GDPD5: variants seen among roughly 807,000 people sequenced by gnomAD.
The protein encoded by GDPD5 is glycerophosphodiester phosphodiesterase 2.
GDPD5 carries 48 observed loss-of-function variants against 75.1 expected under a neutral mutation model. The observed-to-expected ratio is 0.64, with a 90% confidence interval of 0.51 to 0.81. The LOEUF (loss-of-function observed/expected upper bound fraction) is 0.81. GDPD5 is among the 40% of genes least tolerant of loss of function. The probability of loss-of-function intolerance (pLI) is 0.00; values close to 1 mark genes in which losing one functional copy is unlikely to be tolerated. For synonymous variants in GDPD5, 336 were observed against 339.0 expected, an observed-to-expected ratio of 0.99 and a Z score of 0.10; for missense variants, 706 against 822.6, an observed-to-expected ratio of 0.86 and a Z score of 1.73.
At chr11:75,480,840 G>GAAAATT (rs1479250448) in intron 2 of GDPD5, among the ~76,000 whole-genome samples, 3 of 152,200 alleles carry the variant, frequency 2.0e-5, no homozygotes, top group Non-Finnish European at 2.9e-5. Context: ...TGTGACATAT[G>GAAAATT]AAAATTATAT....
At chr11:75,449,470 G>A in intron 8 of GDPD5, 47 bp downstream of exon 8, 1 of 1,509,164 alleles carries the variant, frequency 6.6e-7, no homozygotes, top group South Asian at 1.2e-5. Flanking sequence ...AGCTGGTCTT[G>A]GCACCTGCAG....
chr11:75,493,682 G>A (rs867273313), intron 1 of GDPD5, among the ~76,000 whole-genome samples: 1 of 144,808 alleles, frequency 6.9e-6, no homozygotes, highest in Non-Finnish European at 1.5e-5. Context: ...GAGTGCAGCA[G>A]GGGGGGGCCT....
intron 6 of GDPD5, among the ~76,000 whole-genome samples, chr11:75,454,678 G>C (rs1234163874): frequency 1.3e-5 from 2 of 152,218 alleles, no homozygotes; most frequent in Non-Finnish European, 2.9e-5. Context: ...CAAGAATTCT[G>C]TTAAGGTGCG....
At chr11:75,458,697 T>TAAATAAATAAAC (rs1339840487) in intron 4 of GDPD5, among the ~76,000 whole-genome samples, 1 of 58,144 alleles carries the variant, frequency 1.7e-5, no homozygotes, top group Non-Finnish European at 5.0e-5. Flanking sequence ...AATAAATAAA[T>TAAATAAATAAAC]AAAATAAATA....
intron 4 of GDPD5, among the ~76,000 whole-genome samples, chr11:75,458,698 AAAAT>A (rs1263148768): frequency 1.0e-4 from 6 of 57,554 alleles, no homozygotes; most frequent in Non-Finnish European, 3.0e-4. Flanking sequence ...ATAAATAAAT[AAAAT>A]AAATAAATAA....
At chr11:75,502,780 G>A (rs551944837) in intron 1 of GDPD5, among the ~76,000 whole-genome samples, 1 of 152,320 alleles carries the variant, frequency 6.6e-6, no homozygotes, top group South Asian at 2.1e-4. Context: ...TAGACACTGT[G>A]ATTGCTCTGA....
intron 2 of GDPD5, among the ~76,000 whole-genome samples, chr11:75,486,410 C>T (rs562449640): frequency 6.6e-6 from 1 of 152,198 alleles, no homozygotes; most frequent in East Asian, 1.9e-4. Context: ...TGCCCAAGGG[C>T]CTCCACCATC....
chr11:75,479,745 C>T (rs1949863890), intron 2 of GDPD5, among the ~76,000 whole-genome samples: 2 of 152,120 alleles, frequency 1.3e-5, no homozygotes, highest in Admixed American at 6.5e-5. Flanking sequence ...AACTGCTCAT[C>T]CACTTTCTGT....
chr11:75,498,685 G>C (rs1030049653), intron 1 of GDPD5, among the ~76,000 whole-genome samples: 2 of 152,162 alleles, frequency 1.3e-5, no homozygotes, highest in Non-Finnish European at 2.9e-5. Context: ...GAAGCTGACA[G>C]AGAAAGACCT....
intron 6 of GDPD5, chr11:75,451,127 C>G (rs1228984737): frequency 1.3e-5 from 2 of 152,280 alleles, no homozygotes; most frequent in African/African-American, 2.4e-5. Context: ...GGGCGGTGGC[C>G]AGCATCTCCG....
intron 4 of GDPD5, among the ~76,000 whole-genome samples, chr11:75,458,925 A>G (rs1243357669): frequency 6.6e-6 from 1 of 151,676 alleles, no homozygotes; most frequent in Non-Finnish European, 1.5e-5. Context: ...CACCCACCAA[A>G]ATATCGGGCT....
intron 14 of GDPD5, among the ~76,000 whole-genome samples, chr11:75,440,738 T>A (rs963352502): frequency 3.3e-5 from 5 of 152,002 alleles, no homozygotes; most frequent in African/African-American, 1.2e-4. Context: ...TAATTATTAT[T>A]ATTTTTTTTT....
At chr11:75,440,098 G>A (rs372886785) in intron 14 of GDPD5, 137 bp from the exon 15 acceptor site, 6 of 638,454 alleles carry the variant, frequency 9.4e-6, no homozygotes, top group South Asian at 2.0e-5. Flanking sequence ...GGGTCTGGGG[G>A]CTGAAGATGA....
intron 1 of GDPD5, among the ~76,000 whole-genome samples, chr11:75,497,431 G>C (rs1950231273): frequency 6.6e-6 from 1 of 152,102 alleles, no homozygotes. Context: ...GAACAAACTT[G>C]TTTTCCTGAC....
chr11:75,521,598 C>T (rs185342961), intron 1 of GDPD5, among the ~76,000 whole-genome samples: 7 of 152,286 alleles, frequency 4.6e-5, no homozygotes, highest in Non-Finnish European at 1.0e-4. Flanking sequence ...TGTGTGGATA[C>T]ATTTTACAAA....
intron 5 of GDPD5, 43 bp downstream of exon 5, chr11:75,457,650 C>T: frequency 6.4e-7 from 1 of 1,564,374 alleles, no homozygotes; most frequent in Non-Finnish European, 8.8e-7. Context: ...TATCCCTTCC[C>T]CTGGGAGCAG....
At chr11:75,463,591 C>T (rs1351637053) in intron 3 of GDPD5, among the ~76,000 whole-genome samples, 3 of 152,184 alleles carry the variant, frequency 2.0e-5, no homozygotes, top group Non-Finnish European at 4.4e-5. Flanking sequence ...CTTGGAATAT[C>T]CTGCATCCCG....
At chr11:75,475,405 C>T (rs1466526234) in intron 3 of GDPD5, among the ~76,000 whole-genome samples, 2 of 152,230 alleles carry the variant, frequency 1.3e-5, no homozygotes, top group Non-Finnish European at 2.9e-5. Flanking sequence ...GCAGAGCTTA[C>T]GCAAGACCTC....
intron 3 of GDPD5, among the ~76,000 whole-genome samples, chr11:75,469,024 C>T (rs1026730269): frequency 5.3e-5 from 8 of 152,230 alleles, no homozygotes; most frequent in East Asian, 3.8e-4. Context: ...TATCATTTCG[C>T]GTCTGACAGC....
Sources: gnomAD v4.1 joint callset for allele counts (sites outside exome capture counted in the v4.1 genomes callset) on GRCh38, gnomAD v4.1.1 for gene constraint, MANE v1.5 for transcripts, NCBI Gene and HGNC (gene_info 2026-07-23, HGNC 2026-07-21) for gene names.